The following RBMS3 variants were observed in gnomAD, a reference collection of about 807,000 sequenced individuals.
RBMS3 encodes the protein RNA-binding motif, single-stranded-interacting protein 3.
In RBMS3, 27 loss-of-function variants were observed where a neutral mutation model predicts 66.8. The observed-to-expected ratio is 0.40, with a 90% CI of 0.30 to 0.56. The LOEUF (loss-of-function observed/expected upper bound fraction) is 0.56, where lower values mean the gene tolerates loss of function less well. RBMS3 is among the 20% of genes least tolerant of loss of function. The probability of loss-of-function intolerance (pLI) is 0.40; values close to 1 mark genes in which losing one functional copy is unlikely to be tolerated. For synonymous variants in RBMS3, 188 were observed against 183.0 expected, an observed-to-expected ratio of 1.03 and a Z score of -0.22; for missense variants, 513 against 549.5, an observed-to-expected ratio of 0.93 and a Z score of 0.66.
At chr3:29,509,553 G>T (rs903807888) in intron 3 of RBMS3, among the ~76,000 whole-genome samples, 7 of 152,104 alleles carry the variant, frequency 4.6e-5, no homozygotes, top group African/African-American at 1.7e-4. Flanking sequence ...TAAAGCCTGG[G>T]TATTTAATGT....
At chr3:29,394,429 AG>A (rs987303822) in intron 1 of RBMS3, among the ~76,000 whole-genome samples, 2 of 152,172 alleles carry the variant, frequency 1.3e-5, no homozygotes, top group African/African-American at 4.8e-5. Context: ...CAATCATCAC[AG>A]GGTCCTGAGG....
intron 1 of RBMS3, among the ~76,000 whole-genome samples, chr3:29,339,950 G>A (rs989396565): frequency 2.0e-5 from 3 of 152,092 alleles, no homozygotes; most frequent in African/African-American, 7.2e-5. Context: ...AGCATCCTTT[G>A]CACCTAAGGA....
At chr3:29,887,051 A>G (rs1160051753) in intron 8 of RBMS3, among the ~76,000 whole-genome samples, 1 of 151,798 alleles carries the variant, frequency 6.6e-6, no homozygotes, top group African/African-American at 2.4e-5. Context: ...GTATTTTATT[A>G]CTTATATACC....
At chr3:29,957,811 G>A (rs142120874) in intron 12 of RBMS3, among the ~76,000 whole-genome samples, 50 of 152,154 alleles carry the variant, frequency 3.3e-4, no homozygotes, top group African/African-American at 1.1e-3. Flanking sequence ...TACCTCACAC[G>A]TACACCATTG....
chr3:29,301,328 T>A (rs2033658416), intron 1 of RBMS3, among the ~76,000 whole-genome samples: 1 of 152,052 alleles, frequency 6.6e-6, no homozygotes, highest in African/African-American at 2.4e-5. Context: ...TGCTATGCTC[T>A]ACTTATGGTT....
At chr3:29,372,834 G>A (rs1033007435) in intron 1 of RBMS3, among the ~76,000 whole-genome samples, 1 of 149,906 alleles carries the variant, frequency 6.7e-6, no homozygotes, top group Non-Finnish European at 1.5e-5. Context: ...AAATGGGAAT[G>A]ATAATAGAAC....
intron 5 of RBMS3, among the ~76,000 whole-genome samples, chr3:29,747,390 G>GA (rs2054957078): frequency 4.3e-5 from 6 of 141,160 alleles, no homozygotes; most frequent in Non-Finnish European, 6.1e-5. Flanking sequence ...AGGTAGGTAG[G>GA]TAGATAGATA....
At chr3:29,415,787 A>G (rs2040454275) in intron 1 of RBMS3, among the ~76,000 whole-genome samples, 1 of 152,058 alleles carries the variant, frequency 6.6e-6, no homozygotes, top group Admixed American at 6.5e-5. Flanking sequence ...TTTTTTTTTA[A>G]ATGATGTATC....
intron 3 of RBMS3, among the ~76,000 whole-genome samples, chr3:29,567,566 G>A (rs1225476403): frequency 6.6e-6 from 1 of 152,050 alleles, no homozygotes; most frequent in South Asian, 2.1e-4. Context: ...GCAAGGAGGG[G>A]ACACAAAAGT....
intron 1 of RBMS3, among the ~76,000 whole-genome samples, chr3:29,389,808 C>G (rs1205246291): frequency 6.6e-6 from 1 of 152,064 alleles, no homozygotes; most frequent in African/African-American, 2.4e-5. Flanking sequence ...AGTTTTATTT[C>G]TCTCATAAGG....
chr3:29,510,038 G>T (rs1169931649), intron 3 of RBMS3, among the ~76,000 whole-genome samples: 1 of 152,158 alleles, frequency 6.6e-6, no homozygotes, highest in African/African-American at 2.4e-5. Flanking sequence ...GGATAAAATT[G>T]CAGCCATTTA....
chr3:29,493,009 G>A (rs1287183665), intron 3 of RBMS3, among the ~76,000 whole-genome samples: 1 of 152,096 alleles, frequency 6.6e-6, no homozygotes, highest in Non-Finnish European at 1.5e-5. Flanking sequence ...AGTCTGTTGA[G>A]AATATTTATT....
At chr3:29,987,063 A>G (rs1698437389) in intron 12 of RBMS3, among the ~76,000 whole-genome samples, 2 of 152,236 alleles carry the variant, frequency 1.3e-5, no homozygotes, top group African/African-American at 4.8e-5. Context: ...TACACAAAAC[A>G]GTAATTTAGC....
intron 1 of RBMS3, among the ~76,000 whole-genome samples, chr3:29,330,441 A>G (rs915996684): frequency 6.6e-6 from 1 of 152,182 alleles, no homozygotes; most frequent in African/African-American, 2.4e-5. Context: ...TATCTAATTT[A>G]TGAAATCATT....
intron 4 of RBMS3, among the ~76,000 whole-genome samples, chr3:29,658,204 T>G (rs1052219167): frequency 6.6e-6 from 1 of 152,206 alleles, no homozygotes; most frequent in Non-Finnish European, 1.5e-5. Context: ...TCTTATAACA[T>G]TATGCATGGC....
chr3:29,955,803 AC>A (rs1422278993), intron 12 of RBMS3, among the ~76,000 whole-genome samples: 2 of 152,092 alleles, frequency 1.3e-5, no homozygotes, highest in African/African-American at 4.8e-5. Context: ...CCTAATGGAC[AC>A]AGTGACTTGT....
At position 30,010,302 on chromosome 3, in the gene RBMS3, G is replaced by C. The variant is rs1215207332; in HGVS notation, c.*6440G>C. ...TTAGCAACCATCTCCCCCATCCCTT[G>C]GGCTTTCTGTAGATCAGTGGATGTT... On this transcript the variant is annotated 3_prime_UTR_variant, in exon 15 of 15. Transcript: ENST00000383767. 1 of 152,070 alleles carries C rather than the reference G, an allele frequency of 6.6e-6. No individual in the cohort carries two copies. Among genetic ancestry groups the C allele is most frequent in the Non-Finnish European group, 1.5e-5 (1 of 68,002 alleles). The allele number at this position is 152,070 out of a possible 1,614,324, so 9.4% of individuals were successfully genotyped here. A position where few individuals can be genotyped will look rare whatever the true frequency, so the allele number is the denominator to read the frequency against.
At chr3:29,550,507 CA>C (rs1020511237) in intron 3 of RBMS3, among the ~76,000 whole-genome samples, 3 of 151,822 alleles carry the variant, frequency 2.0e-5, no homozygotes, top group African/African-American at 7.3e-5. Context: ...TTTCAGTATT[CA>C]AATAGTATAA....
intron 3 of RBMS3, among the ~76,000 whole-genome samples, chr3:29,580,652 T>C (rs1288626451): frequency 6.7e-6 from 1 of 150,292 alleles, no homozygotes; most frequent in Non-Finnish European, 1.5e-5. Flanking sequence ...ATCTTCCTTG[T>C]ATGTAGTAGA....
Sources: allele counts gnomAD v4.1 joint callset (sites outside exome capture counted in the v4.1 genomes callset), GRCh38; gene constraint gnomAD v4.1.1; transcripts MANE v1.5; gene names NCBI Gene and HGNC (gene_info 2026-07-23, HGNC 2026-07-21).